Variants in SUGCT observed in about 807,000 individuals in gnomAD.
SUGCT encodes succinyl-CoA:glutarate-CoA transferase.
In SUGCT, 41 loss-of-function variants were observed where a neutral mutation model predicts 55.0. That is an observed-to-expected ratio of 0.74 (90% CI 0.58 to 0.97). The LOEUF (loss-of-function observed/expected upper bound fraction) is 0.97. Ranked by LOEUF, SUGCT falls within the 50% of genes least tolerant of loss-of-function variation. The pLI, the probability that SUGCT is intolerant of heterozygous loss-of-function variation, is 0.00. For synonymous variants in SUGCT, 187 were observed against 200.4 expected (o/e 0.93, Z 0.56); for missense variants, 568 against 547.8 (o/e 1.04, Z -0.37).
In SUGCT at chr7:40,701,325, C is replaced by T. The variant is rs141600336; in HGVS notation, c.1090-48109C>T. On this transcript the variant is annotated intron_variant, in intron 12 of 13. Coordinates refer to ENST00000335693, the MANE Select transcript of SUGCT (RefSeq NM_001193313.2). ...TGGCAGGGCACTCCTATCTCAGCCA[C>T]GGCAGCCACTTCAGAGAGCTGAGCT... Among the ~76,000 whole-genome samples the T allele has an allele frequency of 2.7e-4, 41 of 152,338 alleles. 1 individual carries two copies. The highest frequency in any genetic ancestry group is 6.8e-3 in the Middle Eastern group (2 of 294).
intron 13 of SUGCT, among the ~76,000 whole-genome samples, chr7:40,854,414 TC>T (rs1563050559): frequency 2.2e-5 from 2 of 88,954 alleles, no homozygotes; most frequent in Non-Finnish European, 4.7e-5. Flanking sequence ...TTTCTTTCTT[TC>T]TTTCCTTTCT....
rs1034390533 is a variant in SUGCT at position 40,551,172 on chromosome 7, T to C, written c.1089+54786T>C. Among the ~76,000 whole-genome samples, 7 of 152,224 alleles carry C rather than the reference T, an allele frequency of 4.6e-5. No individual in the cohort carries two copies. In the East Asian group the frequency reaches 5.8e-4, roughly 13 times the overall value. On this transcript the variant is annotated intron_variant, in intron 12 of 13. Transcript: ENST00000335693. Reference sequence around the variant, plus strand: ...CCTCCTCTTGGAACACTTGTGATTTTATGGATTACAAACTTCTTGTTCTCT... The same window carrying C: ...CCTCCTCTTGGAACACTTGTGATTTCATGGATTACAAACTTCTTGTTCTCT...
the SUGCT span, among the ~76,000 whole-genome samples, chr7:41,038,183 C>T: frequency 0.059 from 8,976 of 152,210 alleles, 374 homozygotes; most frequent in South Asian, 0.13. Context: ...GTGAGGCATC[C>T]GTCTGACCTC....
At chr7:40,310,611 C>A (rs1562668149) in intron 8 of SUGCT, among the ~76,000 whole-genome samples, 1 of 152,134 alleles carries the variant, frequency 6.6e-6, no homozygotes, top group Non-Finnish European at 1.5e-5. Flanking sequence ...TCTGTACTAT[C>A]TTGGTTTTTC....
chr7:40,214,819 C>T (rs1047211429), intron 6 of SUGCT, among the ~76,000 whole-genome samples: 36 of 151,704 alleles, frequency 2.4e-4, no homozygotes, highest in African/African-American at 8.5e-4. Context: ...GAGGCTGAGC[C>T]AGGAGAATCA....
chr7:40,697,663 A>C (rs956245619), intron 12 of SUGCT, among the ~76,000 whole-genome samples: 1 of 152,148 alleles, frequency 6.6e-6, no homozygotes, highest in African/African-American at 2.4e-5. Context: ...TGAATGAATA[A>C]AGATGGTCAA....
intron 12 of SUGCT, among the ~76,000 whole-genome samples, chr7:40,534,252 C>T (rs1013617185): frequency 2.0e-5 from 3 of 152,158 alleles, no homozygotes; most frequent in African/African-American, 7.2e-5. Context: ...TATTAGTTGT[C>T]ACTTCCAATA....
At chr7:40,466,808 G>T (rs952313081) in intron 11 of SUGCT, among the ~76,000 whole-genome samples, 1 of 152,152 alleles carries the variant, frequency 6.6e-6, no homozygotes, top group South Asian at 2.1e-4. Flanking sequence ...AATATAAGAA[G>T]ATCTGAATTT....
chr7:40,156,802 G>A (rs1218777135), intron 1 of SUGCT, among the ~76,000 whole-genome samples: 1 of 152,064 alleles, frequency 6.6e-6, no homozygotes, highest in Admixed American at 6.5e-5. Flanking sequence ...TTTACTTGAG[G>A]TCAGGAGTTC....
At chr7:40,443,738 T>C (rs569140487) in intron 9 of SUGCT, among the ~76,000 whole-genome samples, 166 of 152,336 alleles carry the variant, frequency 1.1e-3, no homozygotes, top group African/African-American at 3.8e-3. Context: ...TAGATCCCAT[T>C]TGTCAGTTTT....
intron 12 of SUGCT, among the ~76,000 whole-genome samples, chr7:40,702,478 C>T (rs1785209507): frequency 6.6e-6 from 1 of 152,196 alleles, no homozygotes; most frequent in Admixed American, 6.5e-5. Flanking sequence ...CCACAAATTA[C>T]CTTCTCTGCT....
chr7:40,886,346 C>T, the SUGCT span, among the ~76,000 whole-genome samples: 11 of 152,060 alleles, frequency 7.2e-5, no homozygotes, highest in East Asian at 5.8e-4. Flanking sequence ...GGGCCACTAG[C>T]GGGAAATAAG....
intron 3 of SUGCT, among the ~76,000 whole-genome samples, chr7:40,182,487 G>A (rs1287378790): frequency 1.3e-5 from 2 of 151,600 alleles, no homozygotes; most frequent in South Asian, 2.1e-4. Context: ...ACTTGAACCC[G>A]GGAGGTGGAG....
chr7:40,623,492 G>A (rs922895714), intron 12 of SUGCT, among the ~76,000 whole-genome samples: 12 of 152,088 alleles, frequency 7.9e-5, no homozygotes, highest in African/African-American at 2.7e-4. Context: ...TGTTTTATGA[G>A]CCTCCACAAA....
At chr7:40,266,015 T>G (rs1354489138) in intron 7 of SUGCT, among the ~76,000 whole-genome samples, 1 of 151,846 alleles carries the variant, frequency 6.6e-6, no homozygotes, top group Non-Finnish European at 1.5e-5. Context: ...GTGGTGTGGT[T>G]TTTCCCCTTC....
the SUGCT span, among the ~76,000 whole-genome samples, chr7:40,933,109 C>T: frequency 6.3e-3 from 966 of 152,198 alleles, 11 homozygotes; most frequent in African/African-American, 0.023. Flanking sequence ...CCTTCAGGAG[C>T]TCTTGTAAGG....
At chr7:40,791,425 T>C (rs2128744968) in intron 13 of SUGCT, among the ~76,000 whole-genome samples, 1 of 135,494 alleles carries the variant, frequency 7.4e-6, no homozygotes, top group East Asian at 2.4e-4. Flanking sequence ...GATTTGCATT[T>C]CCAGGAACTG....
intron 12 of SUGCT, among the ~76,000 whole-genome samples, chr7:40,683,647 C>T (rs995240978): frequency 2.6e-5 from 4 of 152,162 alleles, no homozygotes; most frequent in African/African-American, 9.7e-5. Context: ...TCAGTTGACC[C>T]TTGTCAATTA....
chr7:40,539,780 A>G (rs1316454468), intron 12 of SUGCT: 2 of 152,234 alleles, frequency 1.3e-5, no homozygotes, highest in Non-Finnish European at 2.9e-5. Context: ...TGCGTTTGAC[A>G]TTTGGAATTA....
Sources: gnomAD v4.1 joint callset for allele counts (sites outside exome capture counted in the v4.1 genomes callset) on GRCh38, gnomAD v4.1.1 for gene constraint, MANE v1.5 for transcripts, NCBI Gene and HGNC (gene_info 2026-07-23, HGNC 2026-07-21) for gene names.